Variants in MRC2 observed in about 807,000 individuals in gnomAD.
MRC2 encodes C-type mannose receptor 2.
Under a neutral mutation model 206.2 loss-of-function variants are expected in MRC2, and 84 were observed. The observed-to-expected ratio is 0.41, with a 90% CI of 0.34 to 0.49. The LOEUF (loss-of-function observed/expected upper bound fraction) is 0.49, where lower values mean the gene tolerates loss of function less well. MRC2 is among the 20% of genes least tolerant of loss of function. The pLI is 0.31. For synonymous variants in MRC2, 798 were observed against 800.0 expected (o/e 1.00, Z 0.04); for missense variants, 1,676 against 2,001.5 (o/e 0.84, Z 3.10).
intron 18 of MRC2, 50 bp downstream of exon 18, chr17:62,681,179 C>A: frequency 6.3e-7 from 1 of 1,589,108 alleles, no homozygotes; most frequent in Non-Finnish European, 8.6e-7. Flanking sequence ...GCTGTCCACA[C>A]ACGGAGCACA....
Position 62,691,070 on chromosome 17 carries a change from A to G in MRC2, c.4134A>G (p.Leu1378=), listed in dbSNP as rs769853900. The G allele has an allele frequency of 1.4e-5, 22 of 1,609,980 alleles. No homozygotes were observed. Among genetic ancestry groups the G allele is most frequent in the Non-Finnish European group, 1.7e-5 (20 of 1,179,000 alleles). Residue 1378 remains leucine (L), a synonymous_variant, in exon 28 of 30, where the codon CTA becomes CTG. Coordinates refer to ENST00000303375, the MANE Select transcript of MRC2 (RefSeq NM_006039.5). ...ACTGGATTCAGAGCAACAGCGGGCTATGGCGCCCCGGCGCTTGCACCAACA... is the reference window on the plus strand; with the variant it reads ...ACTGGATTCAGAGCAACAGCGGGCTGTGGCGCCCCGGCGCTTGCACCAACA... ...SCYWIQSNSG[L]WRPGACTNIT...
At chr17:62,681,611 C>A in intron 18 of MRC2, 1 of 525,530 alleles carries the variant, frequency 1.9e-6, no homozygotes, top group South Asian at 2.5e-5. Flanking sequence ...GGCTTCTTTT[C>A]TGGAGCAGCA....
chr17:62,673,978 A>G, intron 8 of MRC2, 85 bp from the exon 9 acceptor site: 1 of 1,060,826 alleles, frequency 9.4e-7, no homozygotes, highest in African/African-American at 1.6e-5. Flanking sequence ...AGACAGGGCC[A>G]GCTCTAGGAA....
intron 1 of MRC2, among the ~76,000 whole-genome samples, chr17:62,633,883 T>C (rs930174681): frequency 1.4e-4 from 10 of 70,566 alleles, no homozygotes; most frequent in Admixed American, 7.7e-4. Context: ...AAAAAAAAAA[T>C]CCTAACTACA....
chr17:62,670,331 G>A (rs561531626), intron 6 of MRC2, among the ~76,000 whole-genome samples: 2 of 152,344 alleles, frequency 1.3e-5, no homozygotes, highest in East Asian at 3.9e-4. Context: ...TGTCTGGGGC[G>A]GCAGCCTCAG....
chr17:62,638,991 A>G (rs2088364177), intron 1 of MRC2, among the ~76,000 whole-genome samples: 2 of 152,222 alleles, frequency 1.3e-5, no homozygotes, highest in Admixed American at 6.5e-5. Context: ...ATTTCAGTTT[A>G]TAGTTGATCA....
rs2088957079 is a variant in MRC2, at chr17:62,680,887, C to T, written c.2561C>T (p.Thr854Met). ...STWAQAQRICTWFQAELTSVH... is the reference protein window; with the variant it reads ...STWAQAQRICMWFQAELTSVH... ...TGGGCGCAGGCGCAGCGCATCTGCACGTGGTTCCAGGCCGAGCTGACCTCG... is the reference window on the plus strand; with the variant it reads ...TGGGCGCAGGCGCAGCGCATCTGCATGTGGTTCCAGGCCGAGCTGACCTCG... The change falls in exon 17 of 30, where the codon ACG becomes ATG. Residue 854 changes from threonine to methionine, a missense_variant. Coordinates refer to ENST00000303375, the MANE Select transcript of MRC2 (RefSeq NM_006039.5). This position sits in a 1 kb window ranked among gnomAD's most constrained non-coding sequence, Gnocchi z 4.8. 3.1e-6 allele frequency: 5 copies of T among 1,613,040 alleles called. No individual in the cohort carries two copies. Among genetic ancestry groups the T allele is most frequent in the African/African-American group, 2.7e-5 (2 of 74,962 alleles).
At chr17:62,650,843 T>C (rs893966313) in intron 1 of MRC2, among the ~76,000 whole-genome samples, 2 of 152,160 alleles carry the variant, frequency 1.3e-5, no homozygotes, top group African/African-American at 2.4e-5. Flanking sequence ...GATCACTAAC[T>C]TGCCATTTCA....
At chr17:62,665,404 C>G (rs1014351077) in intron 2 of MRC2, among the ~76,000 whole-genome samples, 3 of 143,312 alleles carry the variant, frequency 2.1e-5, no homozygotes, top group African/African-American at 5.5e-5. Flanking sequence ...GACTCTGTCC[C>G]CCCCCCCACA....
chr17:62,643,017 A>G (rs2088425903), intron 1 of MRC2, among the ~76,000 whole-genome samples: 1 of 152,130 alleles, frequency 6.6e-6, no homozygotes, highest in Non-Finnish European at 1.5e-5. Flanking sequence ...TTCATACCAT[A>G]TGACCCAATG....
Position 62,679,812 on chromosome 17 carries a change from C to T in MRC2, c.2208C>T (p.Pro736=), listed in dbSNP as rs1225610698. 1.9e-6 allele frequency: 3 copies of T among 1,613,724 alleles called. No individual in the cohort carries two copies. The highest frequency in any genetic ancestry group is 2.5e-6 in the Non-Finnish European group (3 of 1,179,950). The change falls in exon 14 of 30, where the codon CCC becomes CCT. Residue 736 remains proline (P), a synonymous_variant. Transcript: ENST00000303375. ...MLNKIFGESE[P]EIHEQHWFWI... ...GGTTGTGCTGAAGTGAATCAGAACC[C>T]GAGATCCACGAGCAGCACTGGTTCT...
chr17:62,643,341 A>AAAAAAAG (rs766438762), intron 1 of MRC2, among the ~76,000 whole-genome samples: 13 of 142,950 alleles, frequency 9.1e-5, no homozygotes, highest in Non-Finnish European at 9.0e-5. Flanking sequence ...AAAAAAAAAA[A>AAAAAAAG]AAAAAAGAAA....
At chr17:62,677,159 G>A (rs1300850720) in intron 11 of MRC2, 110 bp from the exon 12 acceptor site, 5 of 870,864 alleles carry the variant, frequency 5.7e-6, no homozygotes, top group Admixed American at 2.8e-5. Context: ...TGAAGAGGTG[G>A]CCAAGCTGGT....
chr17:62,690,422 A>G lies in MRC2; in HGVS notation c.3892+117A>G, dbSNP rs1434744568. The G allele has an allele frequency of 3.5e-6, 5 of 1,410,602 alleles. No homozygotes were observed. In the Admixed American group the frequency reaches 1.2e-4, roughly 35 times the overall value. 87.4% of individuals were successfully genotyped at this position (1,410,602 alleles called of 1,614,324 possible). On this transcript the variant is annotated intron_variant, in intron 26 of 29. Coordinates refer to ENST00000303375, the MANE Select transcript of MRC2 (RefSeq NM_006039.5). ...TCTACCCATAGGCAGCACTTACACAAGATGCCCTCGTGCTCTCACATGTGG... is the reference window on the plus strand; with the variant it reads ...TCTACCCATAGGCAGCACTTACACAGGATGCCCTCGTGCTCTCACATGTGG...
intron 1 of MRC2, among the ~76,000 whole-genome samples, chr17:62,643,714 G>A (rs2088439102): frequency 6.6e-6 from 1 of 152,128 alleles, no homozygotes; most frequent in Non-Finnish European, 1.5e-5. Flanking sequence ...AACAGTGCCA[G>A]GAAAGATTGA....
rs1163739297 is a variant in MRC2, at chr17:62,666,191, C to T, written c.618C>T (p.Arg206=). ...TCCACGGCTGCACCAGCACGGGCCGCGAGGATGGTCACCTGTGGTGTGCCA... is the reference window on the plus strand; with the variant it reads ...TCCACGGCTGCACCAGCACGGGCCGTGAGGATGGTCACCTGTGGTGTGCCA... ...QWFHGCTSTG[R]EDGHLWCATT... Residue 206 remains arginine (R), a synonymous_variant, in exon 3 of 30, where the codon CGC becomes CGT. Coordinates refer to ENST00000303375, the MANE Select transcript of MRC2 (RefSeq NM_006039.5). This position sits in a 1 kb window ranked among gnomAD's most constrained non-coding sequence, Gnocchi z 5.0. 4 of 1,603,636 alleles carry T rather than the reference C, an allele frequency of 2.5e-6. No individual in the cohort carries two copies. The highest frequency in any genetic ancestry group is 2.6e-6 in the Non-Finnish European group (3 of 1,175,368).
chr17:62,674,687 G>A (rs2088868590), intron 9 of MRC2, among the ~76,000 whole-genome samples: 1 of 149,356 alleles, frequency 6.7e-6, no homozygotes, highest in African/African-American at 2.6e-5. Flanking sequence ...TCTAGAGGAT[G>A]TTTAGGGAGG....
intron 11 of MRC2, 169 bp downstream of exon 11, chr17:62,676,700 A>T: frequency 1.4e-6 from 1 of 715,936 alleles, no homozygotes; most frequent in Non-Finnish European, 2.1e-6. Context: ...TCCGATCATG[A>T]CTCTGCCATC....
chr17:62,628,366 C>T (rs2084187542), intron 1 of MRC2, among the ~76,000 whole-genome samples: 1 of 152,280 alleles, frequency 6.6e-6, no homozygotes, highest in East Asian at 1.9e-4. Flanking sequence ...TGCGTTAGGA[C>T]GGCTTTCCAA....
Sources: allele counts gnomAD v4.1 joint callset (sites outside exome capture counted in the v4.1 genomes callset), GRCh38; gene constraint gnomAD v4.1.1; non-coding constraint Gnocchi (gnomAD v3.1); transcripts MANE v1.5; gene names NCBI Gene and HGNC (gene_info 2026-07-23, HGNC 2026-07-21).